CEP131: variants seen among roughly 807,000 people sequenced by gnomAD.
CEP131 encodes centrosomal protein 131.
A neutral mutation model predicts 136.8 loss-of-function variants in CEP131; 99 were observed. The observed-to-expected ratio is 0.72, with a 90% confidence interval of 0.62 to 0.86. The LOEUF is 0.86. Among genes scored for constraint, CEP131 ranks in the 40% least tolerant of loss-of-function variants. The probability of loss-of-function intolerance (pLI) is 0.00; values close to 1 mark genes in which losing one functional copy is unlikely to be tolerated. For synonymous variants in CEP131, 646 were observed against 612.7 expected, an observed-to-expected ratio of 1.05 and a Z score of -0.80; for missense variants, 1,459 against 1,463.0, an observed-to-expected ratio of 1.00 and a Z score of 0.04.
At chr17:81,207,402 G>A (rs2456582) in intron 3 of CEP131, among the ~76,000 whole-genome samples, 163 bp from the exon 4 acceptor site, 138,366 of 152,236 alleles carry the variant, frequency 0.91, 63,450 homozygotes, top group Non-Finnish European at 0.97. Context: ...TGCCTGGCCA[G>A]GGTTCCTCAG....
rs1290771319 is a variant in CEP131 at position 81,212,773 on chromosome 17, G to C, written c.178-3751C>G. ...GGGAGGTTACAATCAGCAAGCGTCG[G>C]GGGGGCGAGAGGTGCCACTAGCGGC... is the stretch of plus-strand genomic sequence containing the variant. On this transcript the variant is annotated intron_variant, in intron 2 of 25. Transcript: ENST00000450824. 1.4e-4 allele frequency among the ~76,000 whole-genome samples: 21 copies of C among 152,198 alleles called. 1 individual carries two copies. Among genetic ancestry groups the C allele is most frequent in the East Asian group, 5.8e-4 (3 of 5,202 alleles).
chr17:81,192,603 G>C lies in CEP131; in HGVS notation c.2430-10C>G, dbSNP rs569645104. ...CAGCTCCGCCCGCTGCCTGCGGCCA[G>C]GGAGGAGTCAGCAGGTGAGGGGTCA... On this transcript the variant is annotated splice_polypyrimidine_tract_variant and intron_variant, in intron 19 of 25. Coordinates refer to ENST00000450824, the MANE Select transcript of CEP131 (RefSeq NM_014984.4). The C allele has an allele frequency of 3.1e-6, 5 of 1,602,736 alleles. No individual in the cohort carries two copies. In the Admixed American group the frequency reaches 8.4e-5, roughly 27 times the overall value.
At position 81,208,869 on chromosome 17, in the gene CEP131, G is replaced by A; in HGVS notation, c.272+59C>T. The A allele has an allele frequency of 1.5e-6, 2 of 1,361,170 alleles. No individual in the cohort carries two copies. Among genetic ancestry groups the A allele is most frequent in the Middle Eastern group, 2.4e-4 (1 of 4,152 alleles). 84.3% of individuals were successfully genotyped at this position (1,361,170 alleles called of 1,614,324 possible). The stretch of plus-strand genomic sequence containing the variant: ...GCAGAGGCAGGGAGGAGCAGGCCAG[G>A]GTGGGGCACCTGAGGTCCCGGGAAG... On this transcript the variant is annotated intron_variant, in intron 3 of 25. Transcript: ENST00000450824. The surrounding 1 kb of genome is among the most constrained non-coding windows in gnomAD (Gnocchi z 5.6).
chr17:81,206,988 C>A, intron 4 of CEP131, 117 bp from the exon 5 acceptor site: 1 of 1,528,810 alleles, frequency 6.5e-7, no homozygotes, highest in Non-Finnish European at 8.8e-7. Context: ...GGTGGATGTC[C>A]TGGGGTCTGC....
Position 81,189,598 on chromosome 17 carries a change from GA to G in CEP131, c.*170del, listed in dbSNP as rs1206244654. ...AGACAAGGCAGTCACTCAAGGCGCT[GA>G]AAACAACGGCCTCCTTTACTGTTAA... On this transcript the variant is annotated 3_prime_UTR_variant, in exon 26 of 26. Coordinates refer to ENST00000450824, the MANE Select transcript of CEP131 (RefSeq NM_014984.4). The G allele has an allele frequency of 1.4e-6, 1 of 691,796 alleles. No individual in the cohort carries two copies. The highest frequency in any genetic ancestry group is 2.6e-5 in the Admixed American group (1 of 37,884). The allele number at this position is 691,796 out of a possible 1,614,324, so 42.9% of individuals were successfully genotyped here.
chr17:81,192,419 C>A (rs1482611817), intron 20 of CEP131, 27 bp from the exon 21 acceptor site: 7 of 1,611,392 alleles, frequency 4.3e-6, no homozygotes, highest in Non-Finnish European at 5.9e-6. Context: ...AGAGGCCAGT[C>A]AGTCCCACCC....
chr17:81,202,261 ACCT>A lies in CEP131; in HGVS notation c.764_766del (p.Glu255del), dbSNP rs1271578487. 1 of 1,448,794 alleles carries A rather than the reference ACCT, an allele frequency of 6.9e-7. No individual in the cohort carries two copies. The highest frequency in any genetic ancestry group is 2.0e-5 in the Admixed American group (1 of 50,726). The allele number at this position is 1,448,794 out of a possible 1,614,324, so 89.7% of individuals were successfully genotyped here. ...TCACCTCTCAGCCTCCTCCTCCGTC[ACCT>A]CCTTCCGCCTGGGCAAGCCCGTGCT... On this transcript the variant is annotated inframe_deletion, in exon 7 of 26. Transcript: ENST00000450824.
intron 2 of CEP131, among the ~76,000 whole-genome samples, chr17:81,218,291 C>T (rs1293075615): frequency 6.6e-6 from 1 of 152,226 alleles, no homozygotes; most frequent in South Asian, 2.1e-4. Flanking sequence ...GATCCACCCG[C>T]CTCAACCTCC....
At chr17:81,220,200 A>G in intron 1 of CEP131, 127 bp from the exon 2 acceptor site, 1 of 708,624 alleles carries the variant, frequency 1.4e-6, no homozygotes, top group Non-Finnish European at 2.0e-6. Flanking sequence ...GCCTGTCACA[A>G]CCTATGCACC....
chr17:81,192,379 G>T lies in CEP131; in HGVS notation c.2561C>A (p.Thr854Asn). Residue 854 changes from threonine to asparagine, a missense_variant, in exon 21 of 26, where the codon ACC (threonine) becomes AAC (asparagine). Transcript: ENST00000450824. ...CTCCAGCTCCAGCTGCTGCTTCAGG[G>T]TATTCAGCTCCATCTGGGGGGCGGA... ...QERRHQMELN[T>N]LKQQLELERQ... 1 of 1,603,760 alleles carries T rather than the reference G, an allele frequency of 6.2e-7. No homozygotes were observed. Among genetic ancestry groups the T allele is most frequent in the Non-Finnish European group, 8.5e-7 (1 of 1,176,484 alleles).
At chr17:81,197,116 G>A (rs1305860112) in intron 13 of CEP131, 61 bp from the exon 14 acceptor site, 3 of 1,536,206 alleles carry the variant, frequency 2.0e-6, no homozygotes, top group Non-Finnish European at 2.6e-6. Flanking sequence ...CCAAGGACCT[G>A]ACACGATGCC....
Position 81,189,908 on chromosome 17 carries a change from G to T in CEP131, c.3168+7C>A, listed in dbSNP as rs2061601152. On this transcript the variant is annotated splice_region_variant and intron_variant, in intron 25 of 25. Coordinates refer to ENST00000450824, the MANE Select transcript of CEP131 (RefSeq NM_014984.4). ...GAGGTCCAGCAGGGCTGGCCACAGG[G>T]ACTCACCTCATGTTGTGTCCGGAGG... 2 of 1,612,906 alleles carry T rather than the reference G, an allele frequency of 1.2e-6. No homozygotes were observed. Among genetic ancestry groups the T allele is most frequent in the Non-Finnish European group, 1.7e-6 (2 of 1,179,748 alleles).
Position 81,198,141 on chromosome 17 carries a change from T to C in CEP131, c.1444A>G (p.Arg482Gly). ...DVLPRPRTHH[R>G]GRYAWASEED... ...TCGCTGGCCCAGGCGTATCTGCCCCTGTGATGGGTCCTGGGGCGGGGCAGC... is the reference window on the plus strand; with the variant it reads ...TCGCTGGCCCAGGCGTATCTGCCCCCGTGATGGGTCCTGGGGCGGGGCAGC... The change falls in exon 12 of 26, where the codon AGG becomes GGG. Residue 482 changes from arginine to glycine, a missense_variant. By Grantham distance (125) the Arg-to-Gly change is moderately radical. Transcript: ENST00000450824. 6.4e-7 allele frequency: 1 copy of C among 1,573,436 alleles called. No individual in the cohort carries two copies. Among genetic ancestry groups the C allele is most frequent in the East Asian group, 2.3e-5 (1 of 42,672 alleles).
chr17:81,199,082 G>A (rs917906808), intron 10 of CEP131, 111 bp from the exon 11 acceptor site: 2 of 1,088,494 alleles, frequency 1.8e-6, no homozygotes, highest in African/African-American at 3.2e-5. Context: ...GGCGACCCCA[G>A]AAGCAGAGGA....
In CEP131 at chr17:81,203,474, G is replaced by A. The variant is rs1414482015; in HGVS notation, c.629+20C>T. On this transcript the variant is annotated intron_variant, in intron 6 of 25. Transcript: ENST00000450824. The surrounding 1 kb of genome is among the most constrained non-coding windows in gnomAD (Gnocchi z 4.6). The stretch of plus-strand genomic sequence containing the variant: ...TGAGGTCGGACCCCGCAGCCCCGCG[G>A]CCTCCCCAGAAGACCTTACTTGAGG... The A allele has an allele frequency of 6.4e-7, 1 of 1,569,496 alleles. No individual in the cohort carries two copies. The highest frequency in any genetic ancestry group is 2.3e-5 in the East Asian group (1 of 43,262).
In CEP131 at chr17:81,197,758, T is replaced by C; in HGVS notation, c.1601A>G (p.Asp534Gly). 1 of 1,613,024 alleles carries C rather than the reference T, an allele frequency of 6.2e-7. No individual in the cohort carries two copies. The highest frequency in any genetic ancestry group is 1.3e-5 in the African/African-American group (1 of 75,052). Residue 534 changes from aspartate (D) to glycine (G), a missense_variant, in exon 13 of 26, where the codon GAC becomes GGC. Physicochemically the swap from Asp to Gly is moderately conservative, Grantham distance 94. Around this residue, in one of 3 missense-constraint regions of CEP131, gnomAD observed 1,026 missense variants for 964.2 expected, o/e 1.06. Transcript: ENST00000450824. ...GTCCTGCCCAGACTTCTCCATCTCG[T>C]CCAAGAAGCTCATGATGCTTTGTAG... ...AKLQSIMSFL[D>G]EMEKSGQDQL...
At position 81,208,756 on chromosome 17, in the gene CEP131, C is replaced by T. The variant is rs1245617036; in HGVS notation, c.272+172G>A. Among the ~76,000 whole-genome samples, 3 of 152,128 alleles carry T rather than the reference C, an allele frequency of 2.0e-5. No homozygotes were observed. Among genetic ancestry groups the T allele is most frequent in the African/African-American group, 4.8e-5 (2 of 41,430 alleles). On this transcript the variant is annotated intron_variant, in intron 3 of 25. Coordinates refer to ENST00000450824, the MANE Select transcript of CEP131 (RefSeq NM_014984.4). The surrounding 1 kb of genome is among the most constrained non-coding windows in gnomAD (Gnocchi z 5.6). ...CCTCCCGCCCCAATGCGAGAGGAGG[C>T]CTGGGACACAAAGCTGGCCCGTGAG...
At chr17:81,202,750 T>C (rs984129010) in intron 6 of CEP131, among the ~76,000 whole-genome samples, 1 of 152,052 alleles carries the variant, frequency 6.6e-6, no homozygotes, top group African/African-American at 2.4e-5. Context: ...TCACCTGAGG[T>C]CACGAGTTCG....
chr17:81,192,661 C>T (rs535175733), intron 19 of CEP131, 68 bp from the exon 20 acceptor site: 52 of 249,918 alleles, frequency 2.1e-4, no homozygotes, highest in East Asian at 9.7e-4. Flanking sequence ...GAGAGGTCAG[C>T]GGGTGAGGGG....
Sources: allele counts gnomAD v4.1 joint callset (sites outside exome capture counted in the v4.1 genomes callset), GRCh38; gene constraint gnomAD v4.1.1; regional missense constraint gnomAD v4.1.1; non-coding constraint Gnocchi (gnomAD v3.1); transcripts MANE v1.5; gene names NCBI Gene and HGNC (gene_info 2026-07-23, HGNC 2026-07-21).